GPR151: variants seen among roughly 807,000 people sequenced by gnomAD.
GPR151 encodes G-protein coupled receptor PGR7.
GPR151 carries 16 observed loss-of-function variants against 18.2 expected under a neutral mutation model. The observed-to-expected ratio is 0.88, with a 90% CI of 0.60 to 1.34. GPR151 has a LOEUF of 1.34. Among genes scored for constraint, GPR151 ranks in the 40% most tolerant of loss-of-function variants. The probability of loss-of-function intolerance (pLI) is 0.00; values close to 1 mark genes in which losing one functional copy is unlikely to be tolerated. For synonymous variants in GPR151, 202 were observed against 191.2 expected (o/e 1.06, Z -0.47); for missense variants, 509 against 504.3 (o/e 1.01, Z -0.09).
rs770940993 is a variant in GPR151 at position 146,514,850 on chromosome 5, A to C, written c.*4T>G. Reference sequence around the variant, plus strand: ...CACAGTTTGTTTTGCTTTGAAACTTAAATCTATTTAACACCTTCCCCTGTC... The same window carrying C: ...CACAGTTTGTTTTGCTTTGAAACTTCAATCTATTTAACACCTTCCCCTGTC... On this transcript the variant is annotated 3_prime_UTR_variant, in exon 1 of 1. Coordinates refer to ENST00000311104, the MANE Select transcript of GPR151 (RefSeq NM_194251.3). 1.3e-6 allele frequency: 2 copies of C among 1,555,906 alleles called. No homozygotes were observed. Among genetic ancestry groups the C allele is most frequent in the Non-Finnish European group, 1.7e-6 (2 of 1,150,890 alleles).
At position 146,514,772 on chromosome 5, in the gene GPR151, A is replaced by G. The variant is rs192806662; in HGVS notation, c.*82T>C. The G allele has an allele frequency of 1.3e-5, 11 of 855,270 alleles. No homozygotes were observed. The African/African-American group carries it at 1.5e-4, about 12-fold the overall frequency. 53.0% of individuals were successfully genotyped at this position (855,270 alleles called of 1,614,324 possible). A position where few individuals can be genotyped will look rare whatever the true frequency, so the allele number is the denominator to read the frequency against. On this transcript the variant is annotated 3_prime_UTR_variant, in exon 1 of 1. Transcript: ENST00000311104. ...AATTCCTAATGGTAATAATTATATCAGTTTGTAAAGTCAGCAATATTGATA... is the reference window on the plus strand; with the variant it reads ...AATTCCTAATGGTAATAATTATATCGGTTTGTAAAGTCAGCAATATTGATA...
In GPR151 at chr5:146,515,336, C is replaced by T. The variant is rs1378642997; in HGVS notation, c.778G>A (p.Ala260Thr). Residue 260 changes from alanine (A) to threonine (T), a missense_variant, in exon 1 of 1, where the codon GCT (alanine) becomes ACT (threonine). Ala to Thr is a moderately conservative substitution (Grantham distance 58). Transcript: ENST00000311104. ...ACCCATTCGGGGAGCCACAAGAGAG[C>T]AGAGATGATGGCAATGCTCAGCAGC... ...VMLLSIAIISALLWLPEWVAW... is the reference protein window; with the variant it reads ...VMLLSIAIISTLLWLPEWVAW... The T allele has an allele frequency of 3.7e-6, 6 of 1,614,068 alleles. No individual in the cohort carries two copies. Among genetic ancestry groups the T allele is most frequent in the African/African-American group, 1.3e-5 (1 of 74,926 alleles).
Position 146,515,928 on chromosome 5 carries a change from A to G in GPR151, c.186T>C (p.Leu62=). Residue 62 remains leucine, a synonymous_variant, in exon 1 of 1, where the codon CTT becomes CTC. Transcript: ENST00000311104. ...ATGGCTTTCCTTTCCAAGCATTGTG[A>G]AGGAGGATGCCAATCACACACAGGT... is the stretch of plus-strand genomic sequence containing the variant. ...VGNLCVIGIL[L]HNAWKGKPSM... is the part of the protein sequence containing the mutation. The G allele has an allele frequency of 6.2e-7, 1 of 1,614,114 alleles. No homozygotes were observed. Among genetic ancestry groups the G allele is most frequent in the Non-Finnish European group, 8.5e-7 (1 of 1,180,016 alleles).
rs1325060759 is a variant in GPR151 at position 146,514,889 on chromosome 5, G to A, written c.1225C>T (p.His409Tyr). ...VQDNDPIPWE[H>Y]EDQETGEGVK The stretch of plus-strand genomic sequence containing the variant: ...CCTTCCCCTGTCTCTTGATCTTCAT[G>A]TTCCCAGGGGATAGGGTCATTGTCC... Residue 409 changes from histidine (H) to tyrosine (Y), a missense_variant, in exon 1 of 1, where the codon CAT becomes TAT. His to Tyr is a moderately conservative substitution (Grantham distance 83, BLOSUM62 2). Coordinates refer to ENST00000311104, the MANE Select transcript of GPR151 (RefSeq NM_194251.3). 1 of 1,597,950 alleles carries A rather than the reference G, an allele frequency of 6.3e-7. No homozygotes were observed. The highest frequency in any genetic ancestry group is 8.5e-7 in the Non-Finnish European group (1 of 1,172,696).
chr5:146,516,040 C>T lies in GPR151; in HGVS notation c.74G>A (p.Gly25Glu), dbSNP rs1263829589. Reference protein sequence around the residue: ...NVSFAHLHFAGGYLPSDSQDW... With the variant: ...NVSFAHLHFAEGYLPSDSQDW... ...CTGGGAATCAGAGGGCAGGTACCCT[C>T]CGGCAAAGTGGAGGTGAGCAAAGGA... The change falls in exon 1 of 1, where the codon GGA becomes GAA. Residue 25 changes from glycine to glutamate, a missense_variant. Gly to Glu is a moderately conservative substitution (Grantham distance 98, BLOSUM62 -2). Transcript: ENST00000311104. 2 of 1,614,054 alleles carry T rather than the reference C, an allele frequency of 1.2e-6. No individual in the cohort carries two copies. Among genetic ancestry groups the T allele is most frequent in the Non-Finnish European group, 1.7e-6 (2 of 1,180,014 alleles).
At position 146,515,363 on chromosome 5, in the gene GPR151, T is replaced by G. The variant is rs1768591897; in HGVS notation, c.751A>C (p.Met251Leu). The change falls in exon 1 of 1, where the codon ATG (methionine) becomes CTG (leucine). Residue 251 changes from methionine (M) to leucine (L), a missense_variant. Transcript: ENST00000311104. ...NQIRSKQVTVMLLSIAIISAL... is the reference protein window; with the variant it reads ...NQIRSKQVTVLLLSIAIISAL... ...GAGATGATGGCAATGCTCAGCAGCATCACTGTGACTTGCTTTGAGCGTATC... is the reference window on the plus strand; with the variant it reads ...GAGATGATGGCAATGCTCAGCAGCAGCACTGTGACTTGCTTTGAGCGTATC... 1.2e-6 allele frequency: 2 copies of G among 1,614,222 alleles called. No individual in the cohort carries two copies. Among genetic ancestry groups the G allele is most frequent in the Middle Eastern group, 1.6e-4 (1 of 6,062 alleles).
chr5:146,514,694 C>T lies in GPR151; in HGVS notation c.*160G>A, dbSNP rs1006179849. 1 of 560,386 alleles carries T rather than the reference C, an allele frequency of 1.8e-6. No individual in the cohort carries two copies. Among genetic ancestry groups the T allele is most frequent in the African/African-American group, 1.9e-5 (1 of 53,270 alleles). 34.7% of individuals were successfully genotyped at this position (560,386 alleles called of 1,614,324 possible). A position where few individuals can be genotyped will look rare whatever the true frequency, so the allele number is the denominator to read the frequency against. ...AACAATTATTACTTCTAACATGGTT[C>T]TCTACTTACCACATTGCACATTTGG... On this transcript the variant is annotated 3_prime_UTR_variant, in exon 1 of 1. Coordinates refer to ENST00000311104, the MANE Select transcript of GPR151 (RefSeq NM_194251.3).
rs943343718 is a variant in GPR151 at position 146,515,613 on chromosome 5, C to T, written c.501G>A (p.Leu167=). The T allele has an allele frequency of 1.2e-6, 2 of 1,614,068 alleles. No individual in the cohort carries two copies. The highest frequency in any genetic ancestry group is 1.7e-5 in the Admixed American group (1 of 60,008). ...VLVAIWTVAS[L]LPLPEWFFST... is the part of the protein sequence containing the mutation. Reference sequence around the variant, plus strand: ...TAAAGAACCATTCCGGCAGGGGTAACAGGCTAGCCACAGTCCAGATGGCCA... The same window carrying T: ...TAAAGAACCATTCCGGCAGGGGTAATAGGCTAGCCACAGTCCAGATGGCCA... The change falls in exon 1 of 1, where the codon CTG becomes CTA. Residue 167 remains leucine (L), a synonymous_variant. Coordinates refer to ENST00000311104, the MANE Select transcript of GPR151 (RefSeq NM_194251.3).
At position 146,515,525 on chromosome 5, in the gene GPR151, C is replaced by G. The variant is rs142028810; in HGVS notation, c.589G>C (p.Glu197Gln). The change falls in exon 1 of 1, where the codon GAG (glutamate) becomes CAG (glutamine). Residue 197 changes from glutamate (E) to glutamine (Q), a missense_variant. Glu to Gln is a conservative substitution (Grantham distance 29). Transcript: ENST00000311104. The part of the protein sequence containing the change: ...CLVDVPAVAE[E>Q]FMSMFGKLYP... ...AGCTTACCAAACATCGACATAAACT[C>G]TTCAGCCACAGCTGGTACATCCACG... The G allele has an allele frequency of 9.8e-5, 158 of 1,614,160 alleles. No individual in the cohort carries two copies. In the African/African-American group the frequency reaches 1.9e-3, roughly 20 times the overall value.
Position 146,515,602 on chromosome 5 carries a change from G to A in GPR151, c.512C>T (p.Pro171Leu), listed in dbSNP as rs1581602782. The A allele has an allele frequency of 1.9e-6, 3 of 1,614,086 alleles. No homozygotes were observed. Among genetic ancestry groups the A allele is most frequent in the South Asian group, 1.1e-5 (1 of 91,060 alleles). ...IWTVASLLPL[P>L]EWFFSTIRHH... ...CCTGATGGTGCTAAAGAACCATTCC[G>A]GCAGGGGTAACAGGCTAGCCACAGT... Residue 171 changes from proline to leucine, a missense_variant, in exon 1 of 1, where the codon CCG becomes CTG. Transcript: ENST00000311104.
rs142966064 is a variant in GPR151 at position 146,514,166 on chromosome 5, T to C, written c.*688A>G. The C allele has an allele frequency of 2.0e-5, 3 of 152,368 alleles. No individual in the cohort carries two copies. The highest frequency in any genetic ancestry group is 2.0e-4 in the Admixed American group (3 of 15,304). The allele number at this position is 152,368 out of a possible 1,614,324, so 9.4% of individuals were successfully genotyped here. On this transcript the variant is annotated 3_prime_UTR_variant, in exon 1 of 1. Transcript: ENST00000311104. ...GAAACTGAAGACTCATTCAGGTAGC[T>C]TTAAAAAGTTCACTGAAGCAGGCTT... is the stretch of plus-strand genomic sequence containing the variant.
Position 146,514,800 on chromosome 5 carries a change from C to T in GPR151, c.*54G>A. Reference sequence around the variant, plus strand: ...TTGTAAAGTCAGCAATATTGATAAGCAGCAGTACAAGTAAATACAATAATC... The same window carrying T: ...TTGTAAAGTCAGCAATATTGATAAGTAGCAGTACAAGTAAATACAATAATC... On this transcript the variant is annotated 3_prime_UTR_variant, in exon 1 of 1. Coordinates refer to ENST00000311104, the MANE Select transcript of GPR151 (RefSeq NM_194251.3). The T allele has an allele frequency of 4.4e-6, 5 of 1,129,312 alleles. No individual in the cohort carries two copies. The South Asian group carries it at 8.1e-5, about 18-fold the overall frequency. 70.0% of individuals were successfully genotyped at this position (1,129,312 alleles called of 1,614,324 possible). A position where few individuals can be genotyped will look rare whatever the true frequency, so the allele number is the denominator to read the frequency against.
In GPR151 at chr5:146,514,644, T is replaced by C. The variant is rs1238012594; in HGVS notation, c.*210A>G. 6 of 505,756 alleles carry C rather than the reference T, an allele frequency of 1.2e-5. No individual in the cohort carries two copies. The highest frequency in any genetic ancestry group is 3.9e-5 in the African/African-American group (2 of 51,834). 31.3% of individuals were successfully genotyped at this position (505,756 alleles called of 1,614,324 possible). ...CATCTTTACACAACACTTAAATTGT[T>C]TGGGAAGCCAAGTTCTAATTCTGAA... is the stretch of plus-strand genomic sequence containing the variant. On this transcript the variant is annotated 3_prime_UTR_variant, in exon 1 of 1. Transcript: ENST00000311104.
chr5:146,514,741 T>C lies in GPR151; in HGVS notation c.*113A>G. 4.3e-5 allele frequency: 30 copies of C among 694,466 alleles called. No homozygotes were observed. The highest frequency in any genetic ancestry group is 1.5e-4 in the South Asian group (6 of 40,516). 43.0% of individuals were successfully genotyped at this position (694,466 alleles called of 1,614,324 possible). A position where few individuals can be genotyped will look rare whatever the true frequency, so the allele number is the denominator to read the frequency against. On this transcript the variant is annotated 3_prime_UTR_variant, in exon 1 of 1. Coordinates refer to ENST00000311104, the MANE Select transcript of GPR151 (RefSeq NM_194251.3). ...TTGGAAAGTGTAGATTGTGAAATAT[T>C]TTTATAATTCCTAATGGTAATAATT... is the stretch of plus-strand genomic sequence containing the variant.
Position 146,515,783 on chromosome 5 carries a change from A to G in GPR151, c.331T>C (p.Cys111Arg), listed in dbSNP as rs779037115. The change falls in exon 1 of 1, where the codon TGC becomes CGC. Residue 111 changes from cysteine (C) to arginine (R), a missense_variant. By Grantham distance (180) the Cys-to-Arg change is radical. Coordinates refer to ENST00000311104, the MANE Select transcript of GPR151 (RefSeq NM_194251.3). Reference protein sequence around the residue: ...KSVWDLGWFVCKSSDWFIHTC... With the variant: ...KSVWDLGWFVRKSSDWFIHTC... ...TGGATAAACCAGTCAGAGGACTTGC[A>G]GACAAACCAGCCTAGATCCCAAACA... 6.2e-7 allele frequency: 1 copy of G among 1,614,228 alleles called. No homozygotes were observed. The highest frequency in any genetic ancestry group is 2.2e-5 in the East Asian group (1 of 44,888).
At position 146,515,688 on chromosome 5, in the gene GPR151, G is replaced by A; in HGVS notation, c.426C>T (p.Asp142=). The change falls in exon 1 of 1, where the codon GAC becomes GAT. Residue 142 remains aspartate (D), a synonymous_variant. Transcript: ENST00000311104. The part of the protein sequence containing the change: ...VAKVCFMYAS[D]PAKQVSIHNY... ...TGTGGATACTCACTTGCTTGGCTGG[G>A]TCACTTGCATACATGAAGCATACTT... 1.2e-6 allele frequency: 2 copies of A among 1,614,172 alleles called. No individual in the cohort carries two copies. Among genetic ancestry groups the A allele is most frequent in the Non-Finnish European group, 8.5e-7 (1 of 1,180,038 alleles).
At position 146,515,371 on chromosome 5, in the gene GPR151, A is replaced by G; in HGVS notation, c.743T>C (p.Val248Ala). 1 of 1,614,172 alleles carries G rather than the reference A, an allele frequency of 6.2e-7. No individual in the cohort carries two copies. Among genetic ancestry groups the G allele is most frequent in the Non-Finnish European group, 8.5e-7 (1 of 1,180,034 alleles). Reference sequence around the variant, plus strand: ...GGCAATGCTCAGCAGCATCACTGTGACTTGCTTTGAGCGTATCTGGTTTCT... The same window carrying G: ...GGCAATGCTCAGCAGCATCACTGTGGCTTGCTTTGAGCGTATCTGGTTTCT... Reference protein sequence around the residue: ...NLRNQIRSKQVTVMLLSIAII... With the variant: ...NLRNQIRSKQATVMLLSIAII... The change falls in exon 1 of 1, where the codon GTC becomes GCC. Residue 248 changes from valine (V) to alanine (A), a missense_variant. Coordinates refer to ENST00000311104, the MANE Select transcript of GPR151 (RefSeq NM_194251.3).
In GPR151 at chr5:146,514,112, T is replaced by C. The variant is rs1374338076; in HGVS notation, c.*742A>G. 6.6e-6 allele frequency: 1 copy of C among 152,224 alleles called. No individual in the cohort carries two copies. Among genetic ancestry groups the C allele is most frequent in the Admixed American group, 6.5e-5 (1 of 15,278 alleles). 9.4% of individuals were successfully genotyped at this position (152,224 alleles called of 1,614,324 possible). A position where few individuals can be genotyped will look rare whatever the true frequency, so the allele number is the denominator to read the frequency against. ...CCCCATATCAGACTACTGAATGTCA[T>C]TGGAAAGCTGCTACAATTCTTAGAC... On this transcript the variant is annotated 3_prime_UTR_variant, in exon 1 of 1. Coordinates refer to ENST00000311104, the MANE Select transcript of GPR151 (RefSeq NM_194251.3).
rs950306345 is a variant in GPR151 at position 146,513,326 on chromosome 5, T to C, written c.*1528A>G. The C allele has an allele frequency of 6.6e-6, 1 of 152,204 alleles. No individual in the cohort carries two copies. The highest frequency in any genetic ancestry group is 2.1e-4 in the South Asian group (1 of 4,828). The allele number at this position is 152,204 out of a possible 1,614,324, so 9.4% of individuals were successfully genotyped here. On this transcript the variant is annotated 3_prime_UTR_variant, in exon 1 of 1. Coordinates refer to ENST00000311104, the MANE Select transcript of GPR151 (RefSeq NM_194251.3). ...TTGAATACATGAGCTTCAAATAAAA[T>C]TTGTAATGAAGGATGTAAAAAGAAT...
Sources: allele counts gnomAD v4.1 joint callset, GRCh38; gene constraint gnomAD v4.1.1; transcripts MANE v1.5; gene names NCBI Gene and HGNC (gene_info 2026-07-23, HGNC 2026-07-21).